The following RBFOX1 variants were observed in gnomAD, a reference collection of about 807,000 sequenced individuals.
RBFOX1 encodes the protein RNA binding fox-1 homolog 1, also known as RNA binding protein fox-1 homolog 1.
A neutral mutation model predicts 57.7 loss-of-function variants in RBFOX1; 8 were observed. That is an observed-to-expected ratio of 0.14 (90% CI 0.08 to 0.25). RBFOX1 has a LOEUF of 0.25. Ranked by LOEUF, RBFOX1 falls within the 10% of genes least tolerant of loss-of-function variation. The probability of loss-of-function intolerance (pLI) is 1.00; values close to 1 mark genes in which losing one functional copy is unlikely to be tolerated. For synonymous variants in RBFOX1, 326 were observed against 222.4 expected, an observed-to-expected ratio of 1.47 and a Z score of -4.15; for missense variants, 611 against 548.5, an observed-to-expected ratio of 1.11 and a Z score of -1.14.
At chr16:5,602,346 T>C (rs558543092), downstream of RBFOX1, among the ~76,000 whole-genome samples, 1 of 152,248 alleles carries the variant, frequency 6.6e-6, no homozygotes, top group African/African-American at 2.4e-5. Context: ...GATGTGTTTG[T>C]ATATTTATTA....
At chr16:7,408,568 G>A (rs547501073) in intron 4 of RBFOX1, among the ~76,000 whole-genome samples, 1 of 152,200 alleles carries the variant, frequency 6.6e-6, no homozygotes, top group Non-Finnish European at 1.5e-5. Context: ...TGCGATTGCT[G>A]TTCCTGATAA....
At position 7,664,978 on chromosome 16, in the gene RBFOX1, C is replaced by T; in HGVS notation, c.930+10C>T. ...TGGTGCAGACATTTATGTAAGTATT[C>T]ATTCACGTGCATGCCATCCCCGTTT... is the stretch of plus-strand genomic sequence containing the variant. On this transcript the variant is annotated intron_variant, in intron 13 of 15. Transcript: ENST00000550418. The T allele has an allele frequency of 3.1e-6, 5 of 1,613,906 alleles. No individual in the cohort carries two copies. Among genetic ancestry groups the T allele is most frequent in the Non-Finnish European group, 4.2e-6 (5 of 1,179,836 alleles).
chr16:5,379,912 G>A (rs1184875689), intron 1 of RBFOX1, among the ~76,000 whole-genome samples: 3 of 152,140 alleles, frequency 2.0e-5, no homozygotes, highest in African/African-American at 7.2e-5. Context: ...CTTGCACTTG[G>A]CCCCCTTGCT....
intron 4 of RBFOX1, among the ~76,000 whole-genome samples, chr16:7,237,413 A>G (rs139183897): frequency 1.6e-3 from 240 of 152,346 alleles, no homozygotes; most frequent in Middle Eastern, 3.4e-3. Context: ...TGATCCTTCT[A>G]TAGTTTTGTC....
chr16:6,528,118 A>T lies in RBFOX1; in HGVS notation c.-63-126485A>T, dbSNP rs377707117. On this transcript the variant is annotated intron_variant, in intron 2 of 15. Transcript: ENST00000550418. ...AACCTTTCCTGATTCACCCAACTGG[A>T]ATCCTTCCCTTTCTTTTACCTAAAC... Among the ~76,000 whole-genome samples, 16 of 152,228 alleles carry T rather than the reference A, an allele frequency of 1.1e-4. 1 individual carries two copies. Among genetic ancestry groups the T allele is most frequent in the African/African-American group, 3.6e-4 (15 of 41,550 alleles).
chr16:7,091,490 G>A (rs958933118), intron 4 of RBFOX1, among the ~76,000 whole-genome samples: 4 of 151,760 alleles, frequency 2.6e-5, no homozygotes, highest in African/African-American at 9.7e-5. Context: ...ATGCCAGGCG[G>A]CAGCATCTCT....
In RBFOX1 at chr16:7,107,914, G is replaced by C. The variant is rs369706109; in HGVS notation, c.27+55816G>C. On this transcript the variant is annotated intron_variant, in intron 4 of 15. Transcript: ENST00000550418. ...TGCTAAACGGTGGAGGGATTTTTCTGACTTGAAAAAGGCAGAGTTTACCTC... is the reference window on the plus strand; with the variant it reads ...TGCTAAACGGTGGAGGGATTTTTCTCACTTGAAAAAGGCAGAGTTTACCTC... Among the ~76,000 whole-genome samples the C allele has an allele frequency of 1.1e-4, 16 of 151,740 alleles. 2 individuals are homozygous for C. The highest frequency in any genetic ancestry group is 5.3e-4 in the Admixed American group (8 of 15,204).
At chr16:7,229,585 G>A (rs943181694) in intron 4 of RBFOX1, among the ~76,000 whole-genome samples, 1 of 134,676 alleles carries the variant, frequency 7.4e-6, no homozygotes, top group Non-Finnish European at 1.6e-5. Flanking sequence ...AGGAGAAAGG[G>A]AGAGAGAGGA....
intron 1 of RBFOX1, among the ~76,000 whole-genome samples, chr16:5,383,423 G>A (rs915960935): frequency 2.0e-5 from 3 of 152,222 alleles, no homozygotes; most frequent in African/African-American, 7.2e-5. Flanking sequence ...TGGCAGCACA[G>A]GCACTACATT....
At chr16:6,496,660 T>C (rs2095778542) in intron 2 of RBFOX1, among the ~76,000 whole-genome samples, 1 of 152,118 alleles carries the variant, frequency 6.6e-6, no homozygotes, top group Admixed American at 6.5e-5. Flanking sequence ...ACATCACAGC[T>C]AAATTACAGC....
intron 3 of RBFOX1, among the ~76,000 whole-genome samples, chr16:6,666,439 C>G (rs570547597): frequency 1.1e-4 from 17 of 150,788 alleles, no homozygotes; most frequent in African/African-American, 3.2e-4. Context: ...ATTCGGGAAG[C>G]TGAGTTAGGA....
chr16:6,631,765 G>A (rs905488981), intron 2 of RBFOX1, among the ~76,000 whole-genome samples: 10 of 152,130 alleles, frequency 6.6e-5, no homozygotes, highest in Admixed American at 2.6e-4. Flanking sequence ...GGGGTAGGGA[G>A]GAGGAGCAGC....
At chr16:5,943,264 C>G (rs1389711614) in intron 4 of RBFOX1, among the ~76,000 whole-genome samples, 8 of 152,186 alleles carry the variant, frequency 5.3e-5, no homozygotes, top group African/African-American at 1.7e-4. Context: ...TCACAGGCTT[C>G]TTAAGTGAAC....
intron 12 of RBFOX1, among the ~76,000 whole-genome samples, chr16:7,655,150 C>T (rs561288286): frequency 1.3e-5 from 2 of 152,250 alleles, no homozygotes; most frequent in South Asian, 2.1e-4. Context: ...CAAAAAGAAA[C>T]ACTTTTTTTC....
At chr16:6,586,178 A>C (rs992140486) in intron 2 of RBFOX1, among the ~76,000 whole-genome samples, 1 of 152,204 alleles carries the variant, frequency 6.6e-6, no homozygotes, top group Non-Finnish European at 1.5e-5. Context: ...AGCCGTAGGC[A>C]GTTGTTTGTG....
intron 3 of RBFOX1, among the ~76,000 whole-genome samples, chr16:7,033,268 C>T (rs939593021): frequency 8.5e-5 from 13 of 152,174 alleles, no homozygotes; most frequent in Admixed American, 3.3e-4. Context: ...GCCTGTAATC[C>T]TAGAACTTTG....
At chr16:7,291,499 G>A (rs763056593) in intron 4 of RBFOX1, among the ~76,000 whole-genome samples, 2 of 152,146 alleles carry the variant, frequency 1.3e-5, no homozygotes, top group Non-Finnish European at 2.9e-5. Context: ...TACAATTTGG[G>A]AACCAATTGA....
At chr16:7,246,544 C>G (rs1200686758) in intron 4 of RBFOX1, among the ~76,000 whole-genome samples, 1 of 151,934 alleles carries the variant, frequency 6.6e-6, no homozygotes, top group East Asian at 1.9e-4. Context: ...TGGTGGCATC[C>G]TTCCTTTTCC....
chr16:6,216,831 C>T (rs2097338738), intron 1 of RBFOX1, among the ~76,000 whole-genome samples: 1 of 152,066 alleles, frequency 6.6e-6, no homozygotes, highest in South Asian at 2.1e-4. Flanking sequence ...AATGCAGCTT[C>T]ACTTGAATGT....
Sources: gnomAD v4.1 joint callset for allele counts (sites outside exome capture counted in the v4.1 genomes callset) on GRCh38, gnomAD v4.1.1 for gene constraint, MANE v1.5 for transcripts, NCBI Gene and HGNC (gene_info 2026-07-23, HGNC 2026-07-21) for gene names.